OPN4: variants seen among roughly 807,000 people sequenced by gnomAD.
OPN4 encodes opsin 4.
Under a neutral mutation model 49.5 loss-of-function variants are expected in OPN4, and 43 were observed. The ratio of observed to expected loss-of-function variants is 0.87; its 90% CI spans 0.68 to 1.12. The LOEUF (loss-of-function observed/expected upper bound fraction) is 1.12. OPN4 is among the 50% of genes most tolerant of loss of function. The pLI, the probability that OPN4 is intolerant of heterozygous loss-of-function variation, is 0.00. For synonymous variants in OPN4, 263 were observed against 258.0 expected, an observed-to-expected ratio of 1.02 and a Z score of -0.19; for missense variants, 657 against 643.9, an observed-to-expected ratio of 1.02 and a Z score of -0.22.
Position 86,665,974 on chromosome 10 carries a change from A to C in OPN4, c.*223A>C. Reference sequence around the variant, plus strand: ...ATCCACTTTCCAGCTCAGCAGCCGCACCCGAGGCTCAGCCTGAGGGGTATG... The same window carrying C: ...ATCCACTTTCCAGCTCAGCAGCCGCCCCCGAGGCTCAGCCTGAGGGGTATG... On this transcript the variant is annotated 3_prime_UTR_variant, in exon 10 of 10. Coordinates refer to ENST00000241891, the MANE Select transcript of OPN4 (RefSeq NM_033282.4). 1 of 565,658 alleles carries C rather than the reference A, an allele frequency of 1.8e-6. No individual in the cohort carries two copies. The highest frequency in any genetic ancestry group is 2.2e-5 in the South Asian group (1 of 45,570). The allele number at this position is 565,658 out of a possible 1,614,324, so 35.0% of individuals were successfully genotyped here. A position where few individuals can be genotyped will look rare whatever the true frequency, so the allele number is the denominator to read the frequency against.
chr10:86,664,311 G>T (rs989746998), intron 9 of OPN4, among the ~76,000 whole-genome samples: 156 of 152,314 alleles, frequency 1.0e-3, no homozygotes, highest in African/African-American at 3.6e-3. Flanking sequence ...CTGTGTGACT[G>T]CGAGGTTGGA....
intron 9 of OPN4, chr10:86,664,073 G>A (rs1243084872): frequency 1.2e-5 from 5 of 413,332 alleles, no homozygotes; most frequent in African/African-American, 1.0e-4. Context: ...TGTTGGCTGT[G>A]CTGTGGCATG....
chr10:86,662,394 C>A lies in OPN4; in HGVS notation c.1216C>A (p.Arg406=), dbSNP rs3740337. The A allele has an allele frequency of 0.3, 476,979 of 1,565,470 alleles. 76,031 individuals carry two copies. Among genetic ancestry groups the A allele is most frequent in the South Asian group, 0.4 (34,389 of 85,160 alleles). Residue 406 remains arginine, a synonymous_variant, in exon 8 of 10, where the codon CGG becomes AGG. Coordinates refer to ENST00000241891, the MANE Select transcript of OPN4 (RefSeq NM_033282.4). The part of the protein sequence containing the change: ...HTSNLSWISI[R]RRQESLGSES... ...CTCCAACCTCAGCTGGATCTCCATACGGAGGCGCCAGGAGTCCCTGGGCTC... is the reference window on the plus strand; with the variant it reads ...CTCCAACCTCAGCTGGATCTCCATAAGGAGGCGCCAGGAGTCCCTGGGCTC...
chr10:86,660,127 G>A, intron 6 of OPN4, 68 bp downstream of exon 6: 1 of 1,558,240 alleles, frequency 6.4e-7, no homozygotes, highest in Non-Finnish European at 8.8e-7. Flanking sequence ...AGCCTGGCCA[G>A]CCTCTCCTTC....
rs764385584 is a variant in OPN4 at position 86,661,273 on chromosome 10, T to C, written c.966-8T>C. On this transcript the variant is annotated splice_region_variant and splice_polypyrimidine_tract_variant and intron_variant, in intron 6 of 9. Transcript: ENST00000241891. The stretch of plus-strand genomic sequence containing the variant: ...GCTAGCTTGGGGACCACACCTTCTC[T>C]GTCCTAGGTACGCACACGTCCTGAC... 6 of 1,612,250 alleles carry C rather than the reference T, an allele frequency of 3.7e-6. No homozygotes were observed. Among genetic ancestry groups the C allele is most frequent in the Non-Finnish European group, 5.1e-6 (6 of 1,178,550 alleles).
At chr10:86,657,360 C>T in intron 2 of OPN4, 1 of 674,144 alleles carries the variant, frequency 1.5e-6, no homozygotes, top group South Asian at 1.7e-5. Flanking sequence ...AGGGTAGATG[C>T]AAAGATGGAT....
chr10:86,663,304 A>T (rs965693622), intron 8 of OPN4, among the ~76,000 whole-genome samples: 2 of 152,190 alleles, frequency 1.3e-5, no homozygotes, highest in Non-Finnish European at 2.9e-5. Context: ...GAGCTGTCAG[A>T]GGTCCCTCCT....
Position 86,662,312 on chromosome 10 carries a change from C to G in OPN4, c.1134C>G (p.His378Gln), listed in dbSNP as rs757856004. The change falls in exon 8 of 10, where the codon CAC becomes CAG. Residue 378 changes from histidine to glutamine, a missense_variant. Transcript: ENST00000241891. ...LGVLLGVSRRHSRPYPSYRST... is the reference protein window; with the variant it reads ...LGVLLGVSRRQSRPYPSYRST... ...TGCTGCTGGGTGTATCACGCCGGCACAGTCGCCCCTACCCCAGCTACCGCT... is the reference window on the plus strand; with the variant it reads ...TGCTGCTGGGTGTATCACGCCGGCAGAGTCGCCCCTACCCCAGCTACCGCT... The G allele has an allele frequency of 5.6e-6, 9 of 1,607,538 alleles. No individual in the cohort carries two copies. The African/African-American group carries it at 1.2e-4, about 21-fold the overall frequency.
intron 3 of OPN4, 136 bp from the exon 4 acceptor site, chr10:86,658,348 C>A: frequency 8.0e-7 from 1 of 1,253,504 alleles, no homozygotes; most frequent in East Asian, 2.5e-5. Context: ...CCTCTGCCAG[C>A]CTTGGCCAGA....
In OPN4 at chr10:86,658,584, G is replaced by T. The variant is rs758378941; in HGVS notation, c.525G>T (p.Pro175=). The T allele has an allele frequency of 6.2e-7, 1 of 1,614,156 alleles. No individual in the cohort carries two copies. The highest frequency in any genetic ancestry group is 1.1e-5 in the South Asian group (1 of 91,084). The change falls in exon 4 of 10, where the codon CCG becomes CCT. Residue 175 remains proline (P), a synonymous_variant. Coordinates refer to ENST00000241891, the MANE Select transcript of OPN4 (RefSeq NM_033282.4). ...ACCGCTACCTGGTAATCACACGCCC[G>T]CTGGCCACCTTTGGTGTGGCGTCCA... ...ALDRYLVITR[P]LATFGVASKR...
chr10:86,664,780 G>A (rs751886542), intron 9 of OPN4, among the ~76,000 whole-genome samples: 1 of 152,184 alleles, frequency 6.6e-6, no homozygotes. Flanking sequence ...TGGAGCCCAG[G>A]CACTGTGCAT....
chr10:86,661,807 A>G (rs1844015027), intron 7 of OPN4, among the ~76,000 whole-genome samples: 1 of 151,008 alleles, frequency 6.6e-6, no homozygotes, highest in Non-Finnish European at 1.5e-5. Flanking sequence ...ATGCATGCTG[A>G]TAGCAACCCG....
At chr10:86,656,584 C>A (rs35362046) in intron 2 of OPN4, among the ~76,000 whole-genome samples, 10,781 of 152,124 alleles carry the variant, frequency 0.071, 486 homozygotes, top group Admixed American at 0.14. Context: ...GGTCTCTGAC[C>A]ATTCTGCCCT....
chr10:86,658,790 GCCCAGGAGCTACCTGAGC>G, intron 4 of OPN4, 103 bp downstream of exon 4: 1 of 1,212,474 alleles, frequency 8.2e-7, no homozygotes, highest in Non-Finnish European at 1.2e-6. Flanking sequence ...GGAGCAGGGT[GCCCAGGAGCTACCTGAGC>G]CTCAGGTGAG....
intron 5 of OPN4, 137 bp from the exon 6 acceptor site, chr10:86,659,758 C>A: frequency 2.1e-6 from 2 of 932,000 alleles, no homozygotes; most frequent in Non-Finnish European, 1.6e-6. Flanking sequence ...GAAGTCAGGG[C>A]TGCCTGCACT....
chr10:86,655,815 G>A (rs1843848504), intron 1 of OPN4, among the ~76,000 whole-genome samples: 1 of 152,158 alleles, frequency 6.6e-6, no homozygotes, highest in Non-Finnish European at 1.5e-5. Flanking sequence ...GCACCCAGGA[G>A]TTGGCTCTGT....
chr10:86,663,326 T>C (rs1475124462), intron 8 of OPN4, among the ~76,000 whole-genome samples: 1 of 152,140 alleles, frequency 6.6e-6, no homozygotes, highest in Non-Finnish European at 1.5e-5. Context: ...TAAACCACTG[T>C]AGTGAATAAC....
In OPN4 at chr10:86,663,766, C is replaced by T. The variant is rs33936589; in HGVS notation, c.1362C>T (p.Pro454=). The part of the protein sequence containing the change: ...GLEDLEAKAP[P]RPQGHEAETP... ...AGGACTTGGAAGCCAAGGCACCCCC[C>T]AGACCCCAGGGACACGAAGCAGAGA... The change falls in exon 9 of 10, where the codon CCC becomes CCT. Residue 454 remains proline, a synonymous_variant. Transcript: ENST00000241891. 7.1e-3 allele frequency: 11,077 copies of T among 1,560,940 alleles called. 688 individuals carry two copies. The African/African-American group carries it at 0.13, about 19-fold the overall frequency.
At chr10:86,656,529 C>A (rs995892986) in intron 2 of OPN4, among the ~76,000 whole-genome samples, 8 of 152,156 alleles carry the variant, frequency 5.3e-5, no homozygotes, top group Non-Finnish European at 8.8e-5. Flanking sequence ...CTAATTGAGA[C>A]CCAGGTGCAT....
Sources: allele counts gnomAD v4.1 joint callset (sites outside exome capture counted in the v4.1 genomes callset), GRCh38; gene constraint gnomAD v4.1.1; transcripts MANE v1.5; gene names NCBI Gene and HGNC (gene_info 2026-07-23, HGNC 2026-07-21).